The following TTC12 variants were observed in gnomAD, a reference collection of about 807,000 sequenced individuals.
The protein encoded by TTC12 is tetratricopeptide repeat protein 12.
Under a neutral mutation model 90.1 loss-of-function variants are expected in TTC12, and 70 were observed. The ratio of observed to expected loss-of-function variants is 0.78; its 90% confidence interval spans 0.64 to 0.95. The LOEUF (loss-of-function observed/expected upper bound fraction) is 0.95. TTC12 is among the 40% of genes least tolerant of loss of function. TTC12 has a pLI of 0.00. For synonymous variants in TTC12, 296 were observed against 311.5 expected, an observed-to-expected ratio of 0.95 and a Z score of 0.53; for missense variants, 819 against 846.1, an observed-to-expected ratio of 0.97 and a Z score of 0.40.
chr11:113,315,441 A>T (rs1009664194), intron 1 of TTC12, among the ~76,000 whole-genome samples: 3 of 152,168 alleles, frequency 2.0e-5, no homozygotes, highest in Non-Finnish European at 4.4e-5. Flanking sequence ...AGCGTGTTAC[A>T]CTACTATGAA....
intron 7 of TTC12, among the ~76,000 whole-genome samples, chr11:113,332,955 C>T (rs1173470656): frequency 1.3e-5 from 2 of 152,182 alleles, no homozygotes; most frequent in African/African-American, 4.8e-5. Flanking sequence ...CTTTCTTTGA[C>T]ATAGCTCTGG....
At chr11:113,361,954 TAAAA>T (rs35243476) in intron 18 of TTC12, among the ~76,000 whole-genome samples, 4 of 137,962 alleles carry the variant, frequency 2.9e-5, no homozygotes, top group East Asian at 4.1e-4. Flanking sequence ...GGCATTTATT[TAAAA>T]AAAAAAAAAA....
chr11:113,323,500 C>A, intron 3 of TTC12, 49 bp downstream of exon 3: 2 of 1,320,856 alleles, frequency 1.5e-6, no homozygotes, highest in Non-Finnish European at 2.0e-6. Context: ...GTGAGAAGAC[C>A]TACACCTAGG....
rs1950069685 is a variant in TTC12 at position 113,363,860 on chromosome 11, A to G, written c.1749A>G (p.Ile583Met). 3 of 1,613,544 alleles carry G rather than the reference A, an allele frequency of 1.9e-6. No homozygotes were observed. Among genetic ancestry groups the G allele is most frequent in the Non-Finnish European group, 2.5e-6 (3 of 1,179,428 alleles). The change falls in exon 20 of 22, where the codon ATA becomes ATG. Residue 583 changes from isoleucine (I) to methionine (M), a missense_variant. By Grantham distance (10) the Ile-to-Met change is conservative (BLOSUM62 1). Coordinates refer to ENST00000529221, the MANE Select transcript of TTC12 (RefSeq NM_017868.4). ...TGGETASRYA[I>M]KILAICTNSY... ...GTGAGACTGCATCACGTTATGCTATAAAGATACTAGCTATCTGCACGAATA... is the reference window on the plus strand; with the variant it reads ...GTGAGACTGCATCACGTTATGCTATGAAGATACTAGCTATCTGCACGAATA...
rs948178 is a variant in TTC12 at position 113,324,873 on chromosome 11, A to T, written c.322+191A>T. ...TCTCTGTTCCTGCTGCAACAAGCAG[A>T]GGGTAGGATACACCTACCTCCAGTG... is the stretch of plus-strand genomic sequence containing the variant. On this transcript the variant is annotated intron_variant, in intron 5 of 21. Transcript: ENST00000529221. Among the ~76,000 whole-genome samples, 1 of 151,924 alleles carries T rather than the reference A, an allele frequency of 6.6e-6. No individual in the cohort carries two copies. Among genetic ancestry groups the T allele is most frequent in the Non-Finnish European group, 1.5e-5 (1 of 67,990 alleles).
chr11:113,335,387 A>G (rs1565590280), intron 8 of TTC12, among the ~76,000 whole-genome samples: 1 of 152,224 alleles, frequency 6.6e-6, no homozygotes, highest in Admixed American at 6.5e-5. Context: ...CCATGCTAAG[A>G]TATTATATAT....
At chr11:113,361,635 G>A (rs368925513) in intron 18 of TTC12, among the ~76,000 whole-genome samples, 18 of 152,174 alleles carry the variant, frequency 1.2e-4, no homozygotes, top group East Asian at 5.8e-4. Context: ...AAAAACTGGA[G>A]AAAACATTTT....
At position 113,364,749 on chromosome 11, in the gene TTC12, A is replaced by C. The variant is rs189194025; in HGVS notation, c.1817-86A>C. The C allele has an allele frequency of 2.1e-3, 2,288 of 1,086,066 alleles. 28 individuals are homozygous for C. The highest frequency in any genetic ancestry group is 4.8e-3 in the Middle Eastern group (24 of 4,994). 67.3% of individuals were successfully genotyped at this position (1,086,066 alleles called of 1,614,324 possible). On this transcript the variant is annotated intron_variant, in intron 20 of 21. Transcript: ENST00000529221. ...CTGGGGAAGCTCGGTGTCCGCTGACATCTCCCTGCACCCCTCATGTCCTGT... is the reference window on the plus strand; with the variant it reads ...CTGGGGAAGCTCGGTGTCCGCTGACCTCTCCCTGCACCCCTCATGTCCTGT...
chr11:113,371,851 C>T (rs116051669), intron 21 of TTC12, among the ~76,000 whole-genome samples: 1 of 152,298 alleles, frequency 6.6e-6, no homozygotes, highest in African/African-American at 2.4e-5. Flanking sequence ...ATGATACCCA[C>T]TTCTTAGGTT....
chr11:113,344,241 G>A, intron 12 of TTC12, 31 bp from the exon 13 acceptor site: 1 of 1,591,452 alleles, frequency 6.3e-7, no homozygotes, highest in Non-Finnish European at 8.6e-7. Context: ...ATGATGGCAT[G>A]CACAAGACAC....
chr11:113,364,608 G>A, intron 20 of TTC12: 1 of 550,506 alleles, frequency 1.8e-6, no homozygotes, highest in South Asian at 2.0e-5. Context: ...TGTTGTGCTG[G>A]GCACTGTTCT....
chr11:113,318,105 G>T (rs1428289624), intron 2 of TTC12, among the ~76,000 whole-genome samples: 1 of 152,146 alleles, frequency 6.6e-6, no homozygotes, highest in African/African-American at 2.4e-5. Context: ...TACTTCTTGG[G>T]CTCTTGCTAT....
chr11:113,335,923 C>T (rs782798341), intron 8 of TTC12, among the ~76,000 whole-genome samples: 2 of 152,088 alleles, frequency 1.3e-5, no homozygotes, highest in Non-Finnish European at 2.9e-5. Flanking sequence ...TTACAGTCCT[C>T]TTGGGTATAT....
intron 13 of TTC12, among the ~76,000 whole-genome samples, chr11:113,349,485 G>C (rs1369537626): frequency 9.9e-5 from 15 of 152,168 alleles, no homozygotes; most frequent in African/African-American, 3.6e-4. Flanking sequence ...TAGACTGTTT[G>C]CTCATTTTGT....
intron 13 of TTC12, among the ~76,000 whole-genome samples, chr11:113,345,483 C>A (rs1378279620): frequency 4.6e-5 from 7 of 152,234 alleles, no homozygotes; most frequent in African/African-American, 1.7e-4. Flanking sequence ...CCTGCTACAA[C>A]TGGCTCCTGT....
chr11:113,318,516 A>T (rs990351978), intron 2 of TTC12, among the ~76,000 whole-genome samples: 1 of 152,214 alleles, frequency 6.6e-6, no homozygotes. Context: ...GACACTAGTC[A>T]TATTGGATTA....
intron 18 of TTC12, 131 bp from the exon 19 acceptor site, chr11:113,362,270 G>T: frequency 4.7e-6 from 3 of 640,354 alleles, no homozygotes; most frequent in Non-Finnish European, 8.3e-6. Context: ...CTATTATTTG[G>T]CCATCATATT....
intron 16 of TTC12, among the ~76,000 whole-genome samples, chr11:113,354,633 C>G (rs923123001): frequency 2.0e-5 from 3 of 152,012 alleles, no homozygotes; most frequent in Non-Finnish European, 4.4e-5. Context: ...GAGGTATATT[C>G]CTTTAGTATG....
At chr11:113,370,565 TGAA>T (rs1950355072), downstream of TTC12, among the ~76,000 whole-genome samples, 1 of 152,396 alleles carries the variant, frequency 6.6e-6, no homozygotes, top group African/African-American at 2.4e-5. Flanking sequence ...GGCAAAATGA[TGAA>T]GGAGTTCTCC....
Sources: allele counts gnomAD v4.1 joint callset (sites outside exome capture counted in the v4.1 genomes callset), GRCh38; gene constraint gnomAD v4.1.1; transcripts MANE v1.5; gene names NCBI Gene and HGNC (gene_info 2026-07-23, HGNC 2026-07-21).